ADAMTS17: variants seen among roughly 807,000 people sequenced by gnomAD.
ADAMTS17 encodes ADAM metallopeptidase with thrombospondin type 1 motif 17, also known as A disintegrin and metalloproteinase with thrombospondin motifs 17.
ADAMTS17 carries 113 observed loss-of-function variants against 141.5 expected under a neutral mutation model. That is an observed-to-expected ratio of 0.80 (90% CI 0.69 to 0.93). The LOEUF (loss-of-function observed/expected upper bound fraction) is 0.93, where lower values mean the gene tolerates loss of function less well. Among genes scored for constraint, ADAMTS17 ranks in the 40% least tolerant of loss-of-function variants. The pLI is 0.00. For synonymous variants in ADAMTS17, 768 were observed against 630.6 expected, an observed-to-expected ratio of 1.22 and a Z score of -3.27; for missense variants, 1,659 against 1,517.9, an observed-to-expected ratio of 1.09 and a Z score of -1.54.
intron 14 of ADAMTS17, among the ~76,000 whole-genome samples, chr15:100,105,625 G>C (rs953735914): frequency 3.3e-5 from 5 of 152,164 alleles, no homozygotes; most frequent in South Asian, 2.1e-4. Flanking sequence ...AGGTCAAGAG[G>C]GGGTAGAGCT....
At chr15:100,016,335 T>C (rs2061288036) in intron 18 of ADAMTS17, among the ~76,000 whole-genome samples, 2 of 152,240 alleles carry the variant, frequency 1.3e-5, no homozygotes, top group Admixed American at 6.5e-5. Flanking sequence ...ATTAGCTTAA[T>C]AATTAACCTC....
chr15:100,164,739 T>A (rs557883156), intron 8 of ADAMTS17, among the ~76,000 whole-genome samples: 3 of 152,288 alleles, frequency 2.0e-5, no homozygotes, highest in African/African-American at 7.2e-5. Flanking sequence ...TTTATTCCCG[T>A]TCTTTCTCTG....
intron 8 of ADAMTS17, among the ~76,000 whole-genome samples, chr15:100,172,469 C>A (rs574577915): frequency 6.6e-6 from 1 of 152,250 alleles, no homozygotes; most frequent in African/African-American, 2.4e-5. Context: ...ACATCTGTTC[C>A]CCTGGTCACC....
chr15:100,203,592 C>A (rs1243318549), intron 7 of ADAMTS17, among the ~76,000 whole-genome samples: 1 of 152,168 alleles, frequency 6.6e-6, no homozygotes, highest in Non-Finnish European at 1.5e-5. Flanking sequence ...GTAGTCCCAG[C>A]TACTTGGGAG....
rs1166888093 is a variant in ADAMTS17 at position 100,262,454 on chromosome 15, G to C, written c.790-19C>G. The C allele has an allele frequency of 2.5e-6, 4 of 1,601,812 alleles. No homozygotes were observed. Among genetic ancestry groups the C allele is most frequent in the African/African-American group, 2.7e-5 (2 of 74,570 alleles). On this transcript the variant is annotated intron_variant, in intron 4 of 21. Transcript: ENST00000268070. ...TGTATACCTATCAAGACAGAAAAAAGAAATAAAGATATAAAGATAAAAAAT... is the reference window on the plus strand; with the variant it reads ...TGTATACCTATCAAGACAGAAAAAACAAATAAAGATATAAAGATAAAAAAT...
intron 3 of ADAMTS17, among the ~76,000 whole-genome samples, chr15:100,306,745 G>A (rs1302594919): frequency 6.6e-6 from 1 of 152,124 alleles, no homozygotes; most frequent in East Asian, 1.9e-4. Context: ...TCCCATGCTC[G>A]AACTCGGTAG....
intron 15 of ADAMTS17, among the ~76,000 whole-genome samples, chr15:100,065,479 C>G (rs1046437673): frequency 6.6e-6 from 1 of 152,150 alleles, no homozygotes; most frequent in African/African-American, 2.4e-5. Context: ...AACTCTACAT[C>G]TGCTAATATG....
intron 15 of ADAMTS17, among the ~76,000 whole-genome samples, chr15:100,056,195 G>A (rs945590344): frequency 6.6e-6 from 1 of 152,188 alleles, no homozygotes; most frequent in African/African-American, 2.4e-5. Flanking sequence ...ATTAACTATA[G>A]GCAAATATAG....
chr15:100,001,791 T>C (rs2060928008), intron 18 of ADAMTS17, among the ~76,000 whole-genome samples: 1 of 151,514 alleles, frequency 6.6e-6, no homozygotes, highest in African/African-American at 2.4e-5. Flanking sequence ...GCCGGTATGG[T>C]GAAACCCCAT....
At chr15:100,184,720 C>G (rs2040643873) in intron 8 of ADAMTS17, among the ~76,000 whole-genome samples, 1 of 152,198 alleles carries the variant, frequency 6.6e-6, no homozygotes, top group South Asian at 2.1e-4. Flanking sequence ...GCTCCTGTGT[C>G]TGGTCTGTCA....
chr15:100,113,255 A>G (rs1381974184), intron 13 of ADAMTS17, among the ~76,000 whole-genome samples: 1 of 152,178 alleles, frequency 6.6e-6, no homozygotes, highest in East Asian at 1.9e-4. Context: ...GATCCCAAAG[A>G]AGGCTACACT....
intron 18 of ADAMTS17, among the ~76,000 whole-genome samples, chr15:100,032,960 T>G (rs2030329972): frequency 6.6e-6 from 1 of 152,238 alleles, no homozygotes. Context: ...GCCTTTCTGC[T>G]GCTTCTGTAC....
At chr15:100,313,993 G>A (rs1236344112) in intron 3 of ADAMTS17, among the ~76,000 whole-genome samples, 1 of 104,224 alleles carries the variant, frequency 9.6e-6, no homozygotes. Flanking sequence ...CACCCCAAAC[G>A]TCACCATGAA....
At chr15:100,199,990 G>C (rs1339118308) in intron 7 of ADAMTS17, among the ~76,000 whole-genome samples, 2 of 152,232 alleles carry the variant, frequency 1.3e-5, no homozygotes, top group Admixed American at 6.5e-5. Context: ...GCCCCGGAAG[G>C]CTGCACAGAA....
rs1368200465 is a variant in ADAMTS17 at position 100,070,879 on chromosome 15, A to T, written c.2138-16825T>A. Among the ~76,000 whole-genome samples the T allele has an allele frequency of 5.3e-5, 8 of 149,992 alleles. 1 individual carries two copies. In the East Asian group the frequency reaches 1.6e-3, roughly 29 times the overall value. ...CATTCAAAAGCTAGCAGAAGGCAAG[A>T]AATAACTAAGATCAGAGCAGAACTG... On this transcript the variant is annotated intron_variant, in intron 15 of 21. Transcript: ENST00000268070.
At chr15:100,145,990 C>A (rs1441700443) in intron 10 of ADAMTS17, among the ~76,000 whole-genome samples, 1 of 152,126 alleles carries the variant, frequency 6.6e-6, no homozygotes, top group South Asian at 2.1e-4. Flanking sequence ...CTAGCCAACA[C>A]GGTGGAACCC....
chr15:100,055,723 CCA>C (rs1465206867), intron 15 of ADAMTS17, among the ~76,000 whole-genome samples: 5 of 152,160 alleles, frequency 3.3e-5, no homozygotes, highest in Admixed American at 2.0e-4. Context: ...GTTGGGACAC[CCA>C]CAGTTTCCTC....
intron 15 of ADAMTS17, among the ~76,000 whole-genome samples, chr15:100,069,286 C>T (rs191088000): frequency 1.1e-3 from 167 of 152,236 alleles, no homozygotes; most frequent in African/African-American, 3.7e-3. Flanking sequence ...CTGAAAGTGA[C>T]GGGGAGAATG....
intron 2 of ADAMTS17, 28 bp downstream of exon 2, chr15:100,341,011 G>A: frequency 2.6e-6 from 4 of 1,523,240 alleles, no homozygotes; most frequent in Non-Finnish European, 3.5e-6. Context: ...GACCGGACGG[G>A]CCGACCCGGA....
Sources: gnomAD v4.1 joint callset for allele counts (sites outside exome capture counted in the v4.1 genomes callset) on GRCh38, gnomAD v4.1.1 for gene constraint, MANE v1.5 for transcripts, NCBI Gene and HGNC (gene_info 2026-07-23, HGNC 2026-07-21) for gene names.